The following MRTFB variants were observed in gnomAD, a reference collection of about 807,000 sequenced individuals.
The protein encoded by MRTFB is myocardin-related transcription factor B.
MRTFB carries 29 observed loss-of-function variants against 104.2 expected under a neutral mutation model. The observed-to-expected ratio is 0.28, with a 90% CI of 0.21 to 0.38. The LOEUF is 0.38. MRTFB is among the 10% of genes least tolerant of loss of function. The probability of loss-of-function intolerance (pLI) is 1.00; values close to 1 mark genes in which losing one functional copy is unlikely to be tolerated. For missense variants in MRTFB, 1,270 were observed against 1,341.6 expected, an observed-to-expected ratio of 0.95 and a Z score of 0.83; for synonymous variants, 535 against 519.5, an observed-to-expected ratio of 1.03 and a Z score of -0.41.
chr16:14,227,930 G>A (rs931752857), intron 8 of MRTFB, among the ~76,000 whole-genome samples: 1 of 149,368 alleles, frequency 6.7e-6, no homozygotes, highest in Non-Finnish European at 1.5e-5. Flanking sequence ...GTTTGAATGT[G>A]GTTTTTGTTG....
intron 16 of MRTFB, 99 bp from the exon 17 acceptor site, chr16:14,260,810 G>C: frequency 3.0e-6 from 3 of 1,001,430 alleles, no homozygotes; most frequent in Non-Finnish European, 4.4e-6. Flanking sequence ...GTGCATAGAA[G>C]GAATCGCATA....
In MRTFB at chr16:14,188,319, A is replaced by G. The variant is rs570889813; in HGVS notation, c.155-21924A>G. On this transcript the variant is annotated intron_variant, in intron 3 of 16. Coordinates refer to ENST00000571589, the MANE Select transcript of MRTFB (RefSeq NM_001308142.2). ...TTTCTTAAAAGTTTGAGAATTATCT[A>G]TCATTTAAGTCAAGTTCAAGTGTCA... Among the ~76,000 whole-genome samples the G allele has an allele frequency of 9.8e-5, 15 of 152,334 alleles. No homozygotes were observed. In the South Asian group the frequency reaches 2.9e-3, roughly 29 times the overall value.
chr16:14,069,391 G>A (rs2033563113), upstream of MRTFB, among the ~76,000 whole-genome samples: 1 of 152,224 alleles, frequency 6.6e-6, no homozygotes, highest in Admixed American at 6.5e-5. Context: ...AACTGCGACT[G>A]AGCTATGTCA....
intron 2 of MRTFB, among the ~76,000 whole-genome samples, chr16:14,100,762 G>A (rs2035651860): frequency 6.6e-6 from 1 of 152,158 alleles, no homozygotes; most frequent in Non-Finnish European, 1.5e-5. Flanking sequence ...TAGATCTGTG[G>A]TTATTCAGGT....
chr16:14,063,238 G>A, the MRTFB span, among the ~76,000 whole-genome samples: 1 of 152,128 alleles, frequency 6.6e-6, no homozygotes, highest in Admixed American at 6.6e-5. Context: ...TTCTGCTTCT[G>A]GTTTGATTTC....
chr16:14,224,984 C>G (rs1189735238), intron 8 of MRTFB, among the ~76,000 whole-genome samples: 2 of 152,116 alleles, frequency 1.3e-5, no homozygotes, highest in Non-Finnish European at 2.9e-5. Flanking sequence ...GTCGGGAGTT[C>G]AAGACCAGCC....
chr16:14,017,713 T>TATATA, the MRTFB span, among the ~76,000 whole-genome samples: 22 of 9,448 alleles, frequency 2.3e-3, 3 homozygotes, highest in Non-Finnish European at 4.8e-3. Context: ...ATATATATAT[T>TATATA]TTTTTTTTTT....
At chr16:14,159,929 C>CAAAAAAAAAAAAAA (rs552159164) in intron 3 of MRTFB, among the ~76,000 whole-genome samples, 9 of 55,626 alleles carry the variant, frequency 1.6e-4, no homozygotes, top group Non-Finnish European at 2.5e-4. Flanking sequence ...GACTCCGTCT[C>CAAAAAAAAAAAAAA]AAAAAAAAAA....
the MRTFB span, among the ~76,000 whole-genome samples, chr16:14,041,980 T>C: frequency 6.6e-6 from 1 of 152,204 alleles, no homozygotes; most frequent in Non-Finnish European, 1.5e-5. Context: ...GAAGTGGGTC[T>C]GCTGGATCAC....
chr16:14,128,608 G>T (rs879806746), intron 2 of MRTFB, among the ~76,000 whole-genome samples: 1 of 152,166 alleles, frequency 6.6e-6, no homozygotes, highest in East Asian at 1.9e-4. Flanking sequence ...GCTTTCATTA[G>T]CAACAGATCT....
chr16:14,027,942 T>G, the MRTFB span, among the ~76,000 whole-genome samples: 1 of 152,156 alleles, frequency 6.6e-6, no homozygotes, highest in Non-Finnish European at 1.5e-5. Context: ...CTTGGGAGGC[T>G]AAGACAGGCA....
chr16:14,073,448 AACAG>A (rs1345943602), intron 1 of MRTFB, among the ~76,000 whole-genome samples: 11 of 152,218 alleles, frequency 7.2e-5, no homozygotes, highest in Non-Finnish European at 8.8e-5. Context: ...AAGGAAATTT[AACAG>A]ACAGTTTTTG....
At chr16:13,996,461 G>A in the MRTFB span, among the ~76,000 whole-genome samples, 9 of 152,306 alleles carry the variant, frequency 5.9e-5, no homozygotes, top group Middle Eastern at 3.4e-3. Context: ...ATACCTGACA[G>A]AGAAAACATT....
At chr16:14,020,582 A>G in the MRTFB span, 1 of 152,176 alleles carries the variant, frequency 6.6e-6, no homozygotes, top group African/African-American at 2.4e-5. Context: ...TGATAAGCTG[A>G]CCCTGCATGA....
the MRTFB span, among the ~76,000 whole-genome samples, chr16:14,036,296 T>TATATATATATATATATATATATATA: frequency 2.0e-5 from 2 of 98,354 alleles, no homozygotes; most frequent in Non-Finnish European, 4.0e-5. Context: ...TTATATATAT[T>TATATATATATATATATATATATATA]TATATATATA....
Position 14,261,486 on chromosome 16 carries a change from C to CA in MRTFB, c.*43dup. 6 of 1,518,272 alleles carry CA rather than the reference C, an allele frequency of 4.0e-6. No homozygotes were observed. In the South Asian group the frequency reaches 7.8e-5, roughly 20 times the overall value. 94.1% of individuals were successfully genotyped at this position (1,518,272 alleles called of 1,614,324 possible). A position where few individuals can be genotyped will look rare whatever the true frequency, so the allele number is the denominator to read the frequency against. On this transcript the variant is annotated 3_prime_UTR_variant, in exon 17 of 17. Transcript: ENST00000571589. ...TCTGAGAGTTGATGAGGTTTAAGAA[C>CA]ATGAAGATTCTAAAAGGTCAGTTTT...
At position 14,200,409 on chromosome 16, in the gene MRTFB, C is replaced by T. The variant is rs2040637421; in HGVS notation, c.155-9834C>T. The T allele has an allele frequency of 5.6e-6, 9 of 1,607,870 alleles. No homozygotes were observed. In the East Asian group the frequency reaches 6.7e-5, roughly 12 times the overall value. ...ACTAAAGATGTTTCACTGTTTGATG[C>T]GGAAGAGGAGACGACTAATAGACCA... On this transcript the variant is annotated intron_variant, in intron 3 of 16. Coordinates refer to ENST00000571589, the MANE Select transcript of MRTFB (RefSeq NM_001308142.2).
chr16:14,131,096 G>A (rs1567360439), intron 2 of MRTFB, among the ~76,000 whole-genome samples: 1 of 152,096 alleles, frequency 6.6e-6, no homozygotes, highest in Non-Finnish European at 1.5e-5. Flanking sequence ...GCTTTATTGA[G>A]GTTATACATT....
intron 3 of MRTFB, among the ~76,000 whole-genome samples, chr16:14,162,508 A>C (rs2039080902): frequency 6.6e-6 from 1 of 152,238 alleles, no homozygotes; most frequent in Non-Finnish European, 1.5e-5. Context: ...TAGCATGGTT[A>C]AATAAATTGT....
Sources: allele counts gnomAD v4.1 joint callset (sites outside exome capture counted in the v4.1 genomes callset), GRCh38; gene constraint gnomAD v4.1.1; transcripts MANE v1.5; gene names NCBI Gene and HGNC (gene_info 2026-07-23, HGNC 2026-07-21).